The following HDAC9 variants were observed in gnomAD, a reference collection of about 807,000 sequenced individuals.
HDAC9 encodes the protein histone deacetylase 9.
Under a neutral mutation model 139.4 loss-of-function variants are expected in HDAC9, and 41 were observed. The observed-to-expected ratio is 0.29, with a 90% CI of 0.23 to 0.38. HDAC9 has a LOEUF of 0.38. Ranked by LOEUF, HDAC9 falls within the 10% of genes least tolerant of loss-of-function variation. The pLI is 1.00. For missense variants in HDAC9, 1,147 were observed against 1,297.0 expected, an observed-to-expected ratio of 0.88 and a Z score of 1.78; for synonymous variants, 517 against 476.2, an observed-to-expected ratio of 1.09 and a Z score of -1.12.
intron 1 of HDAC9, among the ~76,000 whole-genome samples, chr7:18,349,467 G>A (rs1194365835): frequency 1.3e-5 from 2 of 151,858 alleles, no homozygotes. Flanking sequence ...CTTTCTCCCA[G>A]TATAATGTTA....
chr7:18,147,028 G>C (rs1786392827), intron 1 of HDAC9, among the ~76,000 whole-genome samples: 1 of 152,094 alleles, frequency 6.6e-6, no homozygotes. Flanking sequence ...TAGGTTTATT[G>C]AGCCTCATTG....
rs1248695086 is a variant in HDAC9, at chr7:18,562,561, A to G, written c.23-22720A>G. Among the ~76,000 whole-genome samples the G allele has an allele frequency of 2.0e-5, 3 of 152,170 alleles. No individual in the cohort carries two copies. The South Asian group carries it at 6.2e-4, about 32-fold the overall frequency. The stretch of plus-strand genomic sequence containing the variant: ...CATTCTTGTCTAAAATTGATTAACC[A>G]TAAATGTAATGGTTTCTTTCTGGAT... On this transcript the variant is annotated intron_variant, in intron 2 of 25. Coordinates refer to ENST00000686413, the MANE Select transcript of HDAC9 (RefSeq NM_178425.4).
chr7:18,392,776 A>G (rs573958859), intron 1 of HDAC9, among the ~76,000 whole-genome samples: 5 of 152,134 alleles, frequency 3.3e-5, no homozygotes, highest in Non-Finnish European at 7.4e-5. Context: ...TCACTCAGAT[A>G]TGATTTAGAC....
intron 17 of HDAC9, among the ~76,000 whole-genome samples, chr7:18,797,692 G>A (rs1792923447): frequency 6.6e-6 from 1 of 152,052 alleles, no homozygotes; most frequent in Non-Finnish European, 1.5e-5. Context: ...AGCCAGGTGT[G>A]TTGGCAGGCG....
chr7:18,644,448 C>CA (rs1220805998), intron 8 of HDAC9, among the ~76,000 whole-genome samples: 1 of 151,838 alleles, frequency 6.6e-6, no homozygotes, highest in East Asian at 1.9e-4. Flanking sequence ...AATGAATTTG[C>CA]AAAAAATGAA....
At chr7:18,943,154 T>C (rs932277459) in intron 23 of HDAC9, among the ~76,000 whole-genome samples, 3 of 152,032 alleles carry the variant, frequency 2.0e-5, no homozygotes, top group Non-Finnish European at 2.9e-5. Flanking sequence ...TCATAACAAT[T>C]GATATCCAGA....
chr7:18,578,652 C>T (rs1241792926), intron 2 of HDAC9, among the ~76,000 whole-genome samples: 4 of 152,194 alleles, frequency 2.6e-5, no homozygotes, highest in African/African-American at 4.8e-5. Context: ...AAAGAAGTGG[C>T]GCTAGCATCC....
At chr7:18,857,581 A>T (rs184691871) in intron 21 of HDAC9, among the ~76,000 whole-genome samples, 2 of 152,250 alleles carry the variant, frequency 1.3e-5, no homozygotes, top group Non-Finnish European at 2.9e-5. Flanking sequence ...GGAGAAAAAA[A>T]TCAATATCTG....
chr7:18,412,576 T>A (rs908100242), intron 1 of HDAC9, among the ~76,000 whole-genome samples: 4 of 152,200 alleles, frequency 2.6e-5, no homozygotes, highest in Non-Finnish European at 5.9e-5. Context: ...TAGATGAGGA[T>A]CCGGCAGTTC....
At chr7:18,499,387 T>A (rs1797781851) in intron 2 of HDAC9, among the ~76,000 whole-genome samples, 1 of 152,098 alleles carries the variant, frequency 6.6e-6, no homozygotes, top group South Asian at 2.1e-4. Flanking sequence ...AGGCTAAACA[T>A]GTTTGGTAGA....
intron 2 of HDAC9, among the ~76,000 whole-genome samples, chr7:18,523,668 A>G (rs1015152164): frequency 1.3e-5 from 2 of 152,208 alleles, no homozygotes; most frequent in Non-Finnish European, 2.9e-5. Flanking sequence ...ATAAATGTAC[A>G]TAATTATGTA....
At chr7:18,695,006 G>A (rs1340391758) in intron 12 of HDAC9, among the ~76,000 whole-genome samples, 1 of 152,032 alleles carries the variant, frequency 6.6e-6, no homozygotes, top group African/African-American at 2.4e-5. Flanking sequence ...TTTATCTAAG[G>A]AAGTCAAATT....
intron 25 of HDAC9, among the ~76,000 whole-genome samples, chr7:18,993,336 T>TATTA (rs1486518577): frequency 1.3e-5 from 2 of 152,230 alleles, no homozygotes; most frequent in African/African-American, 4.8e-5. Context: ...AGTAAGGGAT[T>TATTA]ATTATTTCTA....
At chr7:18,360,352 A>G (rs1241619213) in intron 1 of HDAC9, among the ~76,000 whole-genome samples, 2 of 152,136 alleles carry the variant, frequency 1.3e-5, no homozygotes, top group South Asian at 2.1e-4. Context: ...TTTAGACCCA[A>G]TGTCCTTTGG....
intron 1 of HDAC9, among the ~76,000 whole-genome samples, chr7:18,098,110 C>T (rs138236484): frequency 7.2e-4 from 110 of 152,324 alleles, no homozygotes; most frequent in Non-Finnish European, 1.1e-3. Context: ...ACAACTCAGT[C>T]CTTACATAAG....
At chr7:18,455,475 T>C (rs1042289876) in intron 1 of HDAC9, among the ~76,000 whole-genome samples, 16 of 152,214 alleles carry the variant, frequency 1.1e-4, no homozygotes, top group Admixed American at 7.9e-4. Context: ...GTTACTGGTA[T>C]TTATCTTTTT....
At chr7:18,770,594 T>C (rs1200071652) in intron 16 of HDAC9, among the ~76,000 whole-genome samples, 2 of 152,172 alleles carry the variant, frequency 1.3e-5, no homozygotes, top group African/African-American at 2.4e-5. Context: ...AATGTCGTCA[T>C]CAGCTCCCAG....
At chr7:18,958,933 G>C (rs909325531) in intron 24 of HDAC9, among the ~76,000 whole-genome samples, 2 of 152,152 alleles carry the variant, frequency 1.3e-5, no homozygotes, top group African/African-American at 4.8e-5. Context: ...TAAGCTTGGG[G>C]TGACAATTCT....
At chr7:18,540,997 A>C (rs570642438) in intron 2 of HDAC9, among the ~76,000 whole-genome samples, 8 of 152,204 alleles carry the variant, frequency 5.3e-5, no homozygotes, top group African/African-American at 1.9e-4. Context: ...ACAGCCAGTA[A>C]GTAAGAAAGC....
Sources: gnomAD v4.1 joint callset for allele counts (sites outside exome capture counted in the v4.1 genomes callset) on GRCh38, gnomAD v4.1.1 for gene constraint, MANE v1.5 for transcripts, NCBI Gene and HGNC (gene_info 2026-07-23, HGNC 2026-07-21) for gene names.